Variants in PAPSS1 observed in about 807,000 individuals in gnomAD.
The protein encoded by PAPSS1 is 3'-phosphoadenosine 5'-phosphosulfate synthase 1, also known as bifunctional 3'-phosphoadenosine 5'-phosphosulfate synthase 1.
In PAPSS1, 50 loss-of-function variants were observed where a neutral mutation model predicts 72.0. That is an observed-to-expected ratio of 0.69 (90% CI 0.55 to 0.88). PAPSS1 has a LOEUF of 0.88. Among genes scored for constraint, PAPSS1 ranks in the 40% least tolerant of loss-of-function variants. PAPSS1 has a pLI of 0.00. For synonymous variants in PAPSS1, 261 were observed against 263.6 expected, an observed-to-expected ratio of 0.99 and a Z score of 0.09; for missense variants, 657 against 782.2, an observed-to-expected ratio of 0.84 and a Z score of 1.91.
chr4:107,682,344 A>G (rs1260109548), intron 4 of PAPSS1, among the ~76,000 whole-genome samples: 1 of 152,092 alleles, frequency 6.6e-6, no homozygotes, highest in Non-Finnish European at 1.5e-5. Context: ...AAACTACCTA[A>G]AATACCACAA....
At chr4:107,646,454 C>T (rs1433485047) in intron 9 of PAPSS1, among the ~76,000 whole-genome samples, 1 of 151,878 alleles carries the variant, frequency 6.6e-6, no homozygotes, top group African/African-American at 2.4e-5. Context: ...AACAAAAGCC[C>T]ATACATTCTA....
chr4:107,655,112 A>G (rs1726966069), intron 7 of PAPSS1, among the ~76,000 whole-genome samples: 2 of 151,928 alleles, frequency 1.3e-5, no homozygotes, highest in Non-Finnish European at 2.9e-5. Context: ...AGTTAAAAAA[A>G]AAAAAAAAAA....
chr4:107,619,775 T>G (rs184854281), intron 11 of PAPSS1, among the ~76,000 whole-genome samples: 179 of 152,326 alleles, frequency 1.2e-3, no homozygotes, highest in African/African-American at 3.6e-3. Flanking sequence ...TACAAGTATG[T>G]TTGCTTTTTT....
intron 1 of PAPSS1, among the ~76,000 whole-genome samples, chr4:107,714,634 A>AT (rs543479411): frequency 1.3e-5 from 2 of 152,098 alleles, no homozygotes; most frequent in Non-Finnish European, 2.9e-5. Context: ...AGATTTAAGA[A>AT]TTTTTTTTAG....
At chr4:107,637,008 C>G (rs1055800863) in intron 10 of PAPSS1, among the ~76,000 whole-genome samples, 2 of 152,022 alleles carry the variant, frequency 1.3e-5, no homozygotes, top group Non-Finnish European at 2.9e-5. Flanking sequence ...CAAATTATAG[C>G]CAATGCTTTA....
chr4:107,628,626 T>C, intron 11 of PAPSS1, among the ~76,000 whole-genome samples: 1 of 152,352 alleles, frequency 6.6e-6, no homozygotes, highest in East Asian at 1.9e-4. Flanking sequence ...CTTGTTGTAT[T>C]ATCTGTTTGC....
chr4:107,701,330 T>C, intron 1 of PAPSS1, 45 bp from the exon 2 acceptor site: 2 of 1,212,018 alleles, frequency 1.7e-6, no homozygotes, highest in Non-Finnish European at 2.4e-6. Context: ...ATGAGTCCTT[T>C]AAAAGGCAAA....
chr4:107,643,281 G>A (rs1293998147), intron 10 of PAPSS1, among the ~76,000 whole-genome samples: 4 of 152,108 alleles, frequency 2.6e-5, no homozygotes, highest in South Asian at 2.1e-4. Context: ...AGCAGCTGTC[G>A]CCCCGCTCAG....
At chr4:107,654,382 G>C (rs542481587) in intron 8 of PAPSS1, among the ~76,000 whole-genome samples, 2 of 152,290 alleles carry the variant, frequency 1.3e-5, no homozygotes, top group African/African-American at 4.8e-5. Flanking sequence ...ACATGCCTAA[G>C]CACACGACGA....
At chr4:107,665,164 T>C (rs1042788885) in intron 5 of PAPSS1, among the ~76,000 whole-genome samples, 11 of 152,336 alleles carry the variant, frequency 7.2e-5, no homozygotes, top group Non-Finnish European at 1.6e-4. Flanking sequence ...TCTGTGGAAA[T>C]GAGTTATACA....
chr4:107,625,784 C>T (rs1033238673), intron 11 of PAPSS1, among the ~76,000 whole-genome samples: 5 of 152,182 alleles, frequency 3.3e-5, no homozygotes, highest in Admixed American at 2.6e-4. Flanking sequence ...ACAGAAACCA[C>T]AGGAACGGAT....
At chr4:107,630,840 C>T (rs1560565728) in intron 11 of PAPSS1, among the ~76,000 whole-genome samples, 1 of 152,122 alleles carries the variant, frequency 6.6e-6, no homozygotes, top group Non-Finnish European at 1.5e-5. Context: ...ATGGAGGTAA[C>T]AGCACCTACT....
chr4:107,653,463 A>G (rs761329362), intron 9 of PAPSS1, 28 bp downstream of exon 9: 40 of 1,601,832 alleles, frequency 2.5e-5, no homozygotes, highest in Non-Finnish European at 3.1e-5. Context: ...AAGCCGGCCT[A>G]TATTAGGTAA....
At chr4:107,691,550 G>A (rs575984986) in intron 3 of PAPSS1, among the ~76,000 whole-genome samples, 5 of 152,274 alleles carry the variant, frequency 3.3e-5, no homozygotes, top group South Asian at 4.1e-4. Flanking sequence ...TGGTCCAAGA[G>A]CCGGGCTTGG....
At chr4:107,615,878 C>T (rs1017493314) in intron 11 of PAPSS1, among the ~76,000 whole-genome samples, 9 of 152,160 alleles carry the variant, frequency 5.9e-5, no homozygotes, top group Admixed American at 6.5e-5. Context: ...CTTTCCTCTA[C>T]ATAAGGACAC....
intron 1 of PAPSS1, among the ~76,000 whole-genome samples, chr4:107,706,414 T>C (rs6533316): frequency 0.48 from 73,599 of 152,008 alleles, 19,549 homozygotes; most frequent in South Asian, 0.65. Context: ...ATGCTCTCTA[T>C]TGCATTTTTC....
chr4:107,641,715 C>T (rs925264813), intron 10 of PAPSS1, among the ~76,000 whole-genome samples: 2 of 152,068 alleles, frequency 1.3e-5, no homozygotes, highest in African/African-American at 4.8e-5. Context: ...TATTAAACAC[C>T]AAAGGATATC....
intron 1 of PAPSS1, among the ~76,000 whole-genome samples, chr4:107,718,803 T>C (rs188479925): frequency 1.3e-5 from 2 of 152,332 alleles, no homozygotes; most frequent in Non-Finnish European, 2.9e-5. Flanking sequence ...TGAAACACCT[T>C]AAGGTAAGAG....
At chr4:107,617,205 G>A (rs72673554) in intron 11 of PAPSS1, among the ~76,000 whole-genome samples, 9,811 of 146,624 alleles carry the variant, frequency 0.067, 403 homozygotes, top group Middle Eastern at 0.14. Context: ...ATGAGTCTTC[G>A]GCTTTTTTTT....
Sources: allele counts gnomAD v4.1 joint callset (sites outside exome capture counted in the v4.1 genomes callset), GRCh38; gene constraint gnomAD v4.1.1; transcripts MANE v1.5; gene names NCBI Gene and HGNC (gene_info 2026-07-23, HGNC 2026-07-21).